Variants in DACH1 observed in about 807,000 individuals in gnomAD.
The protein encoded by DACH1 is dachshund family transcription factor 1.
DACH1 carries 12 observed loss-of-function variants against 54.2 expected under a neutral mutation model. The observed-to-expected ratio is 0.22, with a 90% confidence interval of 0.14 to 0.36. DACH1 has a LOEUF of 0.36. DACH1 is among the 10% of genes least tolerant of loss of function. The probability of loss-of-function intolerance (pLI) is 1.00; values close to 1 mark genes in which losing one functional copy is unlikely to be tolerated. For missense variants in DACH1, 805 were observed against 929.8 expected (o/e 0.87, Z 1.75); for synonymous variants, 386 against 366.2 (o/e 1.05, Z -0.62).
chr13:71,741,406 G>A (rs1884380040), intron 1 of DACH1, among the ~76,000 whole-genome samples: 1 of 152,144 alleles, frequency 6.6e-6, no homozygotes, highest in Admixed American at 6.5e-5. Context: ...TGTTTTTCCA[G>A]GAATGGAGCT....
At chr13:71,861,346 A>G (rs1329298970) in intron 1 of DACH1, among the ~76,000 whole-genome samples, 1 of 152,008 alleles carries the variant, frequency 6.6e-6, no homozygotes, top group East Asian at 1.9e-4. Context: ...GTAAAGTATC[A>G]TCATAACCAT....
intron 3 of DACH1, among the ~76,000 whole-genome samples, chr13:71,594,538 T>A (rs1566365969): frequency 6.6e-6 from 1 of 152,154 alleles, no homozygotes; most frequent in Non-Finnish European, 1.5e-5. Context: ...TAAAAATCCC[T>A]ACATTTTAAG....
chr13:71,790,120 T>C (rs1886773833), intron 1 of DACH1, among the ~76,000 whole-genome samples: 1 of 152,180 alleles, frequency 6.6e-6, no homozygotes, highest in Admixed American at 6.5e-5. Flanking sequence ...AATGACTTCA[T>C]GGTGAAACTG....
rs199677715 is a variant in DACH1, at chr13:71,545,567, AAAGG to A, written c.1570+11453_1570+11456del. On this transcript the variant is annotated intron_variant, in intron 6 of 10. Coordinates refer to ENST00000613252, the MANE Select transcript of DACH1 (RefSeq NM_080759.6). ...GGAAGGAGGGAGGGAGAGAGGGAGG[AAAGG>A]AAGGAAGGAAGGGAGGGAGGAAGGA... 5.4e-3 allele frequency among the ~76,000 whole-genome samples: 819 copies of A among 150,384 alleles called. 6 individuals are homozygous for A. The highest frequency in any genetic ancestry group is 0.019 in the African/African-American group (766 of 41,094).
intron 6 of DACH1, among the ~76,000 whole-genome samples, chr13:71,508,996 T>C (rs934054794): frequency 1.3e-5 from 2 of 152,152 alleles, no homozygotes; most frequent in Non-Finnish European, 2.9e-5. Flanking sequence ...AAATTATCCC[T>C]TCAAAATATT....
At chr13:71,768,143 C>T (rs142730297) in intron 1 of DACH1, among the ~76,000 whole-genome samples, 14 of 151,986 alleles carry the variant, frequency 9.2e-5, no homozygotes, top group Non-Finnish European at 1.8e-4. Flanking sequence ...CCAGTCCCAG[C>T]GATTCAATCA....
chr13:71,703,259 G>A (rs1302893157), intron 1 of DACH1, among the ~76,000 whole-genome samples: 2 of 151,992 alleles, frequency 1.3e-5, no homozygotes, highest in Non-Finnish European at 2.9e-5. Flanking sequence ...ATTATAGAAG[G>A]TTTTCCTCCT....
At chr13:71,445,634 A>G (rs569442045) in intron 10 of DACH1, among the ~76,000 whole-genome samples, 138 of 152,336 alleles carry the variant, frequency 9.1e-4, no homozygotes, top group Non-Finnish European at 1.5e-3. Context: ...AAGACTGACT[A>G]TCTTTCTTTC....
chr13:71,734,878 C>T (rs536596218), intron 1 of DACH1, among the ~76,000 whole-genome samples: 8 of 147,540 alleles, frequency 5.4e-5, no homozygotes, highest in Middle Eastern at 4.5e-3. Context: ...ACCCCATATA[C>T]ATATACGTAT....
At chr13:71,771,907 C>T (rs1347209289) in intron 1 of DACH1, among the ~76,000 whole-genome samples, 1 of 147,530 alleles carries the variant, frequency 6.8e-6, no homozygotes. Context: ...AAAAAAAAAG[C>T]CACTATAATT....
intron 1 of DACH1, among the ~76,000 whole-genome samples, chr13:71,691,612 T>A (rs541064336): frequency 6.6e-6 from 1 of 151,436 alleles, no homozygotes; most frequent in Non-Finnish European, 1.5e-5. Flanking sequence ...TTAAAAGTAA[T>A]AGAGTCAGGT....
chr13:71,595,329 T>C (rs1363398856), intron 3 of DACH1, among the ~76,000 whole-genome samples: 1 of 152,110 alleles, frequency 6.6e-6, no homozygotes, highest in Non-Finnish European at 1.5e-5. Context: ...GGACTTGTAT[T>C]ATTTCACTGA....
intron 1 of DACH1, among the ~76,000 whole-genome samples, chr13:71,721,753 T>C (rs1470172842): frequency 6.6e-6 from 1 of 152,140 alleles, no homozygotes; most frequent in Non-Finnish European, 1.5e-5. Context: ...AATCCTCATA[T>C]CATTTTTTCT....
At chr13:71,694,036 T>C (rs544076048) in intron 1 of DACH1, among the ~76,000 whole-genome samples, 48 of 152,276 alleles carry the variant, frequency 3.2e-4, no homozygotes, top group Non-Finnish European at 6.2e-4. Flanking sequence ...AAAAAACCTA[T>C]TAAATCAGAA....
At chr13:71,761,595 C>G (rs1463253318) in intron 1 of DACH1, among the ~76,000 whole-genome samples, 2 of 152,124 alleles carry the variant, frequency 1.3e-5, no homozygotes, top group East Asian at 3.9e-4. Context: ...ACACAGACTT[C>G]TCAAACATCA....
chr13:71,837,505 T>C (rs9542755), intron 1 of DACH1, among the ~76,000 whole-genome samples: 5,954 of 152,174 alleles, frequency 0.039, 136 homozygotes, highest in East Asian at 0.1. Context: ...GCTTCTCCAC[T>C]GTAGGTAGAA....
intron 7 of DACH1, among the ~76,000 whole-genome samples, chr13:71,487,489 C>A (rs1878635548): frequency 6.6e-6 from 1 of 151,980 alleles, no homozygotes. Flanking sequence ...CTGAGTATTT[C>A]TGGTCCGTAG....
At chr13:71,452,994 A>C (rs936321449) in intron 10 of DACH1, among the ~76,000 whole-genome samples, 2 of 152,170 alleles carry the variant, frequency 1.3e-5, no homozygotes, top group African/African-American at 4.8e-5. Flanking sequence ...TAAAGAAAAA[A>C]ATTTATACTG....
At chr13:71,540,689 G>A (rs1883072819) in intron 6 of DACH1, among the ~76,000 whole-genome samples, 1 of 151,898 alleles carries the variant, frequency 6.6e-6, no homozygotes, top group South Asian at 2.1e-4. Context: ...AGATCATTTT[G>A]AAACCTTATA....
Sources: allele counts gnomAD v4.1 joint callset (sites outside exome capture counted in the v4.1 genomes callset), GRCh38; gene constraint gnomAD v4.1.1; transcripts MANE v1.5; gene names NCBI Gene and HGNC (gene_info 2026-07-23, HGNC 2026-07-21).